SGPP2: variants seen among roughly 807,000 people sequenced by gnomAD.
SGPP2 encodes sphingosine-1-phosphate phosphatase 2.
A neutral mutation model predicts 33.9 loss-of-function variants in SGPP2; 30 were observed. That is an observed-to-expected ratio of 0.89 (90% CI 0.66 to 1.20). SGPP2 has a LOEUF of 1.20. Among genes scored for constraint, SGPP2 ranks in the 50% most tolerant of loss-of-function variants. The pLI is 0.00. For synonymous variants in SGPP2, 233 were observed against 225.0 expected (o/e 1.04, Z -0.32); for missense variants, 458 against 532.1 (o/e 0.86, Z 1.37).
At chr2:222,461,052 G>A (rs1050739509) in intron 1 of SGPP2, among the ~76,000 whole-genome samples, 12 of 152,180 alleles carry the variant, frequency 7.9e-5, no homozygotes, top group Admixed American at 6.5e-4. Flanking sequence ...CACCACATTC[G>A]GCTGTTTTTC....
chr2:222,440,780 A>G (rs1697313114), intron 1 of SGPP2, among the ~76,000 whole-genome samples: 1 of 152,048 alleles, frequency 6.6e-6, no homozygotes, highest in Non-Finnish European at 1.5e-5. Flanking sequence ...CAGTCTACAA[A>G]CATACTTCAA....
intron 2 of SGPP2, among the ~76,000 whole-genome samples, chr2:222,511,963 C>T (rs1479501011): frequency 1.3e-5 from 2 of 152,106 alleles, no homozygotes; most frequent in Non-Finnish European, 2.9e-5. Context: ...CAGGTATGAG[C>T]CACCATGCCT....
intron 2 of SGPP2, among the ~76,000 whole-genome samples, chr2:222,513,736 G>A (rs937093740): frequency 1.3e-5 from 2 of 151,712 alleles, no homozygotes; most frequent in Non-Finnish European, 2.9e-5. Flanking sequence ...CAATGTGACC[G>A]CAGAGGTGGA....
chr2:222,440,463 C>T (rs1697308368), intron 1 of SGPP2, among the ~76,000 whole-genome samples: 1 of 151,892 alleles, frequency 6.6e-6, no homozygotes, highest in South Asian at 2.1e-4. Context: ...CTGCCTTAGC[C>T]TCCCGAGTAG....
Position 222,477,926 on chromosome 2 carries a change from A to G in SGPP2, c.378+3200A>G, listed in dbSNP as rs1372433180. 6.6e-6 allele frequency among the ~76,000 whole-genome samples: 1 copy of G among 152,130 alleles called. No individual in the cohort carries two copies. The highest frequency in any genetic ancestry group is 1.5e-5 in the Non-Finnish European group (1 of 68,028). On this transcript the variant is annotated intron_variant, in intron 2 of 4. Transcript: ENST00000321276. The surrounding 1 kb of genome is among the most constrained non-coding windows in gnomAD (Gnocchi z 6.0). The stretch of plus-strand genomic sequence containing the variant: ...AAATAAAATCTTTGCCCAAGAAAGG[A>G]AGAAATAACCTCTGAATCTGCAGTT...
chr2:222,459,912 C>T (rs1463071228), intron 1 of SGPP2, among the ~76,000 whole-genome samples: 1 of 152,156 alleles, frequency 6.6e-6, no homozygotes, highest in Admixed American at 6.5e-5. Flanking sequence ...GTCATTGGTT[C>T]TGGTCACACA....
chr2:222,463,850 T>C lies in SGPP2; in HGVS notation c.220-10718T>C, dbSNP rs77344841. Among the ~76,000 whole-genome samples the C allele has an allele frequency of 2.6e-3, 390 of 152,344 alleles. 8 individuals are homozygous for C. Among genetic ancestry groups the C allele is most frequent in the Admixed American group, 0.021 (326 of 15,302 alleles). On this transcript the variant is annotated intron_variant, in intron 1 of 4. Transcript: ENST00000321276. ...TTTATGCCTGAATAATTTTCTTACA[T>C]TTTTGGCAGTGCCTTTTAATGCTTC...
At chr2:222,507,022 G>T (rs994653169) in intron 2 of SGPP2, among the ~76,000 whole-genome samples, 1 of 152,100 alleles carries the variant, frequency 6.6e-6, no homozygotes, top group Non-Finnish European at 1.5e-5. Flanking sequence ...CCCCAGCTTG[G>T]TAGGAGACCC....
chr2:222,440,749 C>T lies in SGPP2; in HGVS notation c.219+15928C>T, dbSNP rs565310267. Among the ~76,000 whole-genome samples, 50 of 152,124 alleles carry T rather than the reference C, an allele frequency of 3.3e-4. No homozygotes were observed. In the East Asian group the frequency reaches 9.1e-3, roughly 28 times the overall value. ...ATTAGGACAACTTCAGTCTCTCTTC[C>T]AGTTGTCTTTTTTTCCTCCTCAGTC... On this transcript the variant is annotated intron_variant, in intron 1 of 4. Coordinates refer to ENST00000321276, the MANE Select transcript of SGPP2 (RefSeq NM_152386.4).
At position 222,474,664 on chromosome 2, in the gene SGPP2, C is replaced by G; in HGVS notation, c.316C>G (p.Leu106Val). The change falls in exon 2 of 5, where the codon CTT becomes GTT. Residue 106 changes from leucine (L) to valine (V), a missense_variant. Coordinates refer to ENST00000321276, the MANE Select transcript of SGPP2 (RefSeq NM_152386.4). ...LGQEVFYITFLPFTHWNIDPY... is the reference protein window; with the variant it reads ...LGQEVFYITFVPFTHWNIDPY... ...CCAAGAAGTGTTCTACATCACGTTTCTTCCATTCACTCACTGGAATATTGA... is the reference window on the plus strand; with the variant it reads ...CCAAGAAGTGTTCTACATCACGTTTGTTCCATTCACTCACTGGAATATTGA... 1.2e-6 allele frequency: 2 copies of G among 1,613,956 alleles called. No individual in the cohort carries two copies. The highest frequency in any genetic ancestry group is 1.1e-5 in the South Asian group (1 of 91,068).
chr2:222,472,511 T>TATG (rs537123691), intron 1 of SGPP2, among the ~76,000 whole-genome samples: 2,024 of 152,138 alleles, frequency 0.013, 48 homozygotes, highest in African/African-American at 0.045. Flanking sequence ...ACTGATGTTA[T>TATG]ATGATGATGA....
rs879193775 is a variant in SGPP2, at chr2:222,525,186, G to A, written c.648+153G>A. On this transcript the variant is annotated intron_variant, in intron 4 of 4. Transcript: ENST00000321276. The stretch of plus-strand genomic sequence containing the variant: ...ATGCATTAAGTAATTATTATGTTCG[G>A]GTGCATGTATGATAATAGTAATGAA... Among the ~76,000 whole-genome samples, 4 of 152,074 alleles carry A rather than the reference G, an allele frequency of 2.6e-5. No individual in the cohort carries two copies. The South Asian group carries it at 8.3e-4, about 32-fold the overall frequency.
intron 2 of SGPP2, among the ~76,000 whole-genome samples, chr2:222,510,291 T>C (rs753768484): frequency 6.6e-6 from 1 of 152,170 alleles, no homozygotes. Context: ...GTCATCTTAC[T>C]GGTAAGCTGA....
In SGPP2 at chr2:222,480,701, C is replaced by G. The variant is rs1044417443; in HGVS notation, c.378+5975C>G. ...TTCTCAGAAATATCTGGTGTCAGTA[C>G]CCGCTTATCATCTGTGTGAGAGTAC... On this transcript the variant is annotated intron_variant, in intron 2 of 4. Coordinates refer to ENST00000321276, the MANE Select transcript of SGPP2 (RefSeq NM_152386.4). 3.3e-5 allele frequency among the ~76,000 whole-genome samples: 5 copies of G among 152,298 alleles called. 1 individual carries two copies. The South Asian group carries it at 1.0e-3, about 32-fold the overall frequency.
Position 222,424,563 on chromosome 2 carries a change from C to T in SGPP2, c.-40C>T, listed in dbSNP as rs1404440628. The T allele has an allele frequency of 4.2e-6, 5 of 1,184,620 alleles. No homozygotes were observed. The highest frequency in any genetic ancestry group is 4.4e-5 in the Admixed American group (1 of 22,766). The allele number at this position is 1,184,620 out of a possible 1,614,324, so 73.4% of individuals were successfully genotyped here. A position where few individuals can be genotyped will look rare whatever the true frequency, so the allele number is the denominator to read the frequency against. ...GCGGTGCCAGCGGAGGGCACCGGCCCGGCGTGGCAGCGGCGGCGGAGCGCG... is the reference window on the plus strand; with the variant it reads ...GCGGTGCCAGCGGAGGGCACCGGCCTGGCGTGGCAGCGGCGGCGGAGCGCG... On this transcript the variant is annotated 5_prime_UTR_variant, in exon 1 of 5. Coordinates refer to ENST00000321276, the MANE Select transcript of SGPP2 (RefSeq NM_152386.4).
intron 1 of SGPP2, among the ~76,000 whole-genome samples, chr2:222,437,651 G>C (rs1020977349): frequency 6.6e-6 from 1 of 152,176 alleles, no homozygotes; most frequent in Non-Finnish European, 1.5e-5. Flanking sequence ...ACTTCCATTT[G>C]ATGATGGAAT....
At chr2:222,510,510 G>A (rs1338827393) in intron 2 of SGPP2, among the ~76,000 whole-genome samples, 1 of 152,170 alleles carries the variant, frequency 6.6e-6, no homozygotes, top group Non-Finnish European at 1.5e-5. Context: ...TGAGACATGA[G>A]GAATAATCAT....
intron 1 of SGPP2, among the ~76,000 whole-genome samples, chr2:222,438,551 G>A (rs977400391): frequency 6.6e-6 from 1 of 152,234 alleles, no homozygotes. Context: ...GGACAGGAAT[G>A]GAGAAAAAGG....
At chr2:222,515,661 T>C (rs1698594101) in intron 2 of SGPP2, among the ~76,000 whole-genome samples, 2 of 152,068 alleles carry the variant, frequency 1.3e-5, no homozygotes, top group Admixed American at 6.6e-5. Flanking sequence ...CAAGGTATAA[T>C]TCACGTACTA....
Sources: gnomAD v4.1 joint callset for allele counts (sites outside exome capture counted in the v4.1 genomes callset) on GRCh38, gnomAD v4.1.1 for gene constraint, Gnocchi (gnomAD v3.1) non-coding constraint, MANE v1.5 for transcripts, NCBI Gene and HGNC (gene_info 2026-07-23, HGNC 2026-07-21) for gene names.